C12orf42: variants seen among roughly 807,000 people sequenced by gnomAD.
C12orf42 encodes the protein chromosome 12 open reading frame 42, also known as uncharacterized protein C12orf42.
In C12orf42, 25 loss-of-function variants were observed where a neutral mutation model predicts 21.6. The ratio of observed to expected loss-of-function variants is 1.16; its 90% CI spans 0.84 to 1.62. The LOEUF is 1.62. C12orf42 is among the 40% of genes most tolerant of loss of function. The pLI is 0.00. For missense variants in C12orf42, 483 were observed against 459.3 expected (o/e 1.05, Z -0.47); for synonymous variants, 174 against 175.0 (o/e 0.99, Z 0.05).
At chr12:103,184,719 C>T in the C12orf42 span, among the ~76,000 whole-genome samples, 1 of 140,828 alleles carries the variant, frequency 7.1e-6, no homozygotes, top group Admixed American at 7.2e-5. Context: ...TCACCCCCCC[C>T]CCCCCAAATA....
the C12orf42 span, among the ~76,000 whole-genome samples, chr12:103,056,081 T>C: frequency 6.6e-6 from 1 of 152,134 alleles, no homozygotes; most frequent in African/African-American, 2.4e-5. Context: ...AGTTCTTCTA[T>C]ACACTTGCTA....
At chr12:103,188,821 T>C in the C12orf42 span, among the ~76,000 whole-genome samples, 1 of 152,240 alleles carries the variant, frequency 6.6e-6, no homozygotes, top group Non-Finnish European at 1.5e-5. Context: ...GAAAAATCTT[T>C]ATGCCTACAA....
At chr12:103,103,461 G>A in the C12orf42 span, among the ~76,000 whole-genome samples, 1 of 152,290 alleles carries the variant, frequency 6.6e-6, no homozygotes, top group South Asian at 2.1e-4. Context: ...TTTGGATGTA[G>A]CACATTGAAT....
At chr12:103,389,510 G>T (rs1210574761) in intron 3 of C12orf42, among the ~76,000 whole-genome samples, 1 of 152,066 alleles carries the variant, frequency 6.6e-6, no homozygotes, top group Non-Finnish European at 1.5e-5. Flanking sequence ...CTCTTATTGT[G>T]GTTCTGGAAG....
chr12:103,136,538 A>C, the C12orf42 span, among the ~76,000 whole-genome samples: 6 of 148,772 alleles, frequency 4.0e-5, no homozygotes, highest in South Asian at 8.3e-4. Flanking sequence ...AAACAGTCCT[A>C]AAATGTATAC....
the C12orf42 span, among the ~76,000 whole-genome samples, chr12:103,143,511 A>G: frequency 6.6e-6 from 1 of 152,180 alleles, no homozygotes; most frequent in Admixed American, 6.5e-5. Flanking sequence ...AAAACCAAGA[A>G]AACTCCTCTA....
the C12orf42 span, among the ~76,000 whole-genome samples, chr12:103,169,870 T>C: frequency 1.3e-5 from 2 of 152,188 alleles, no homozygotes; most frequent in South Asian, 2.1e-4. Context: ...CAATGGTTCA[T>C]GCTGAGAGGA....
chr12:103,505,085 C>G, the C12orf42 span: 116 of 362,152 alleles, frequency 3.2e-4, no homozygotes, highest in Non-Finnish European at 5.5e-4. Flanking sequence ...ATCAGAATTT[C>G]CCTTCTGAAG....
chr12:103,511,210 G>A, the C12orf42 span, among the ~76,000 whole-genome samples: 1 of 152,142 alleles, frequency 6.6e-6, no homozygotes, highest in East Asian at 1.9e-4. Flanking sequence ...ACAGCTTTAT[G>A]TATGTAATAA....
At chr12:103,405,576 G>C (rs373231116) in intron 2 of C12orf42, among the ~76,000 whole-genome samples, 2 of 151,982 alleles carry the variant, frequency 1.3e-5, no homozygotes, top group Non-Finnish European at 2.9e-5. Context: ...TTCACAAATC[G>C]GGAGCTGTAG....
intron 2 of C12orf42, among the ~76,000 whole-genome samples, chr12:103,472,290 G>A (rs1042708074): frequency 2.0e-5 from 3 of 151,794 alleles, no homozygotes; most frequent in Non-Finnish European, 2.9e-5. Context: ...TCCTGACCTC[G>A]TGATCCGCCC....
chr12:103,196,158 T>G, the C12orf42 span, among the ~76,000 whole-genome samples: 10 of 152,178 alleles, frequency 6.6e-5, no homozygotes, highest in Non-Finnish European at 1.3e-4. Flanking sequence ...TTCAAACAAT[T>G]TATTGCTTTC....
intron 3 of C12orf42, among the ~76,000 whole-genome samples, chr12:103,379,029 G>C (rs2045938441): frequency 6.6e-6 from 1 of 151,900 alleles, no homozygotes; most frequent in South Asian, 2.1e-4. Flanking sequence ...TAGACACTTA[G>C]GTCTCCACCA....
the C12orf42 span, among the ~76,000 whole-genome samples, chr12:103,135,456 C>CAAAAAAA: frequency 6.8e-6 from 1 of 146,638 alleles, no homozygotes; most frequent in African/African-American, 2.5e-5. Flanking sequence ...GACACTATCT[C>CAAAAAAA]AAAAAGAAAA....
At chr12:103,180,669 C>T in the C12orf42 span, among the ~76,000 whole-genome samples, 1 of 109,394 alleles carries the variant, frequency 9.1e-6, no homozygotes, top group Admixed American at 1.2e-4. Flanking sequence ...GTTCTTGTTG[C>T]CCAGGCTGGA....
At chr12:103,209,816 C>T in the C12orf42 span, among the ~76,000 whole-genome samples, 3 of 152,302 alleles carry the variant, frequency 2.0e-5, no homozygotes, top group African/African-American at 7.2e-5. Context: ...AGTACCCACA[C>T]GTCTATGTAT....
chr12:103,269,275 G>T (rs1164816649), intron 6 of C12orf42, among the ~76,000 whole-genome samples: 2 of 152,120 alleles, frequency 1.3e-5, no homozygotes, highest in Non-Finnish European at 2.9e-5. Context: ...GAAGGAAGCG[G>T]ATGACGTAAG....
At chr12:103,392,642 G>T (rs1312193604) in intron 3 of C12orf42, among the ~76,000 whole-genome samples, 1 of 152,142 alleles carries the variant, frequency 6.6e-6, no homozygotes, top group African/African-American at 2.4e-5. Flanking sequence ...TATTGCTAGT[G>T]CATAGACACA....
chr12:103,061,434 CT>C, the C12orf42 span, among the ~76,000 whole-genome samples: 1 of 151,016 alleles, frequency 6.6e-6, no homozygotes, highest in East Asian at 1.9e-4. Context: ...TCCTTAAGGA[CT>C]TTTTTTTTCT....
Sources: gnomAD v4.1 joint callset for allele counts (sites outside exome capture counted in the v4.1 genomes callset) on GRCh38, gnomAD v4.1.1 for gene constraint, MANE v1.5 for transcripts, NCBI Gene and HGNC (gene_info 2026-07-23, HGNC 2026-07-21) for gene names.